The following TEAD1 variants were observed in gnomAD, a reference collection of about 807,000 sequenced individuals.
The protein encoded by TEAD1 is TEA domain transcription factor 1.
In TEAD1, 9 loss-of-function variants were observed where a neutral mutation model predicts 54.9. The observed-to-expected ratio is 0.16, with a 90% CI of 0.10 to 0.29. The LOEUF (loss-of-function observed/expected upper bound fraction) is 0.29. TEAD1 is among the 10% of genes least tolerant of loss of function. The pLI, the probability that TEAD1 is intolerant of heterozygous loss-of-function variation, is 1.00. For synonymous variants in TEAD1, 200 were observed against 187.8 expected (o/e 1.07, Z -0.53); for missense variants, 387 against 535.9 (o/e 0.72, Z 2.74).
At position 12,925,011 on chromosome 11, in the gene TEAD1, A is replaced by C; in HGVS notation, c.973A>C (p.Lys325Gln). 1 of 1,614,224 alleles carries C rather than the reference A, an allele frequency of 6.2e-7. No homozygotes were observed. The highest frequency in any genetic ancestry group is 8.5e-7 in the Non-Finnish European group (1 of 1,180,044). ...AAATATGACAGTCACCTGTTCCACC[A>C]AAGTTTGCTCCTTTGGGAAGCAAGT... is the stretch of plus-strand genomic sequence containing the variant. The change falls in exon 11 of 13, where the codon AAA becomes CAA. Residue 325 changes from lysine (K) to glutamine (Q), a missense_variant. By Grantham distance (53) the Lys-to-Gln change is moderately conservative. Around this residue, in one of 5 missense-constraint regions of TEAD1, gnomAD observed 123 missense variants for 199.0 expected, o/e 0.62. Transcript: ENST00000527636.
chr11:12,896,390 A>G (rs1335905780), intron 9 of TEAD1, among the ~76,000 whole-genome samples: 1 of 152,182 alleles, frequency 6.6e-6, no homozygotes, highest in Non-Finnish European at 1.5e-5. Flanking sequence ...AACGTATTCC[A>G]TCCTTTTGTA....
At chr11:12,808,013 A>G (rs1328560313) in intron 3 of TEAD1, among the ~76,000 whole-genome samples, 4 of 152,218 alleles carry the variant, frequency 2.6e-5, no homozygotes, top group Non-Finnish European at 5.9e-5. Flanking sequence ...TGGGTATGAA[A>G]CATAAGAGGA....
intron 10 of TEAD1, among the ~76,000 whole-genome samples, chr11:12,911,712 C>T (rs1948622137): frequency 6.7e-6 from 1 of 148,234 alleles, no homozygotes; most frequent in Non-Finnish European, 1.5e-5. Context: ...TCTTGATAGG[C>T]CCTGCTATTG....
chr11:12,755,653 G>C (rs1379417860), intron 2 of TEAD1, among the ~76,000 whole-genome samples: 1 of 152,174 alleles, frequency 6.6e-6, no homozygotes, highest in African/African-American at 2.4e-5. Flanking sequence ...TTCTGTTTCT[G>C]GGGTTGAAAT....
intron 5 of TEAD1, among the ~76,000 whole-genome samples, chr11:12,870,756 T>C (rs1484174050): frequency 1.3e-5 from 2 of 152,100 alleles, no homozygotes; most frequent in Non-Finnish European, 2.9e-5. Flanking sequence ...TATGGCAGTG[T>C]GCACCGGCAG....
At chr11:12,694,524 T>A (rs144552038) in intron 2 of TEAD1, among the ~76,000 whole-genome samples, 133 of 152,260 alleles carry the variant, frequency 8.7e-4, no homozygotes, top group African/African-American at 3.1e-3. Flanking sequence ...TGTCTCCCAA[T>A]GTTGGGTCTG....
At position 12,859,311 on chromosome 11, in the gene TEAD1, T is replaced by TCTCC. The variant is rs1374598646; in HGVS notation, c.203-2939_203-2938insCTCC. Among the ~76,000 whole-genome samples the TCTCC allele has an allele frequency of 7.1e-3, 1,079 of 152,250 alleles. 13 individuals are homozygous for TCTCC. The highest frequency in any genetic ancestry group is 0.025 in the African/African-American group (1,022 of 41,530). On this transcript the variant is annotated intron_variant, in intron 3 of 12. Coordinates refer to ENST00000527636, the MANE Select transcript of TEAD1 (RefSeq NM_021961.6). Reference sequence around the variant, plus strand: ...CCCAGAAAATAAACAAGTTTGAGGGTAGGAGACATTTTTGTCATCTGGACA... The same window carrying TCTCC: ...CCCAGAAAATAAACAAGTTTGAGGGTCTCCAGGAGACATTTTTGTCATCTGGACA...
rs917004843 is a variant in TEAD1 at position 12,879,898 on chromosome 11, G to A, written c.465+56G>A. On this transcript the variant is annotated intron_variant, in intron 6 of 12. Transcript: ENST00000527636. ...GCTGCTGGGGTTGGGGTTGGCATGT[G>A]CCAGTGTTAAGCCTCCCACCTCCAT... 2.5e-6 allele frequency: 4 copies of A among 1,609,032 alleles called. No homozygotes were observed. The African/African-American group carries it at 5.3e-5, about 22-fold the overall frequency.
chr11:12,829,166 C>T (rs766108492), intron 3 of TEAD1, among the ~76,000 whole-genome samples: 2 of 152,162 alleles, frequency 1.3e-5, no homozygotes, highest in Non-Finnish European at 2.9e-5. Flanking sequence ...GGATTTTTAT[C>T]CAGCGGATTT....
At chr11:12,728,593 T>A (rs577697017) in intron 2 of TEAD1, among the ~76,000 whole-genome samples, 27 of 152,288 alleles carry the variant, frequency 1.8e-4, no homozygotes, top group African/African-American at 6.5e-4. Context: ...CTGATACTCA[T>A]CCCTTCGGGC....
At chr11:12,764,755 C>T (rs962379035) in intron 3 of TEAD1, among the ~76,000 whole-genome samples, 2 of 151,462 alleles carry the variant, frequency 1.3e-5, no homozygotes, top group Non-Finnish European at 2.9e-5. Flanking sequence ...AGGAGGTCTT[C>T]TGAACACAGA....
intron 3 of TEAD1, among the ~76,000 whole-genome samples, chr11:12,776,133 C>T (rs1368819149): frequency 6.6e-6 from 1 of 152,108 alleles, no homozygotes; most frequent in Non-Finnish European, 1.5e-5. Context: ...GGGAGGAGAA[C>T]AGGGCATTCT....
rs190674870 is a variant in TEAD1, at chr11:12,714,987, G to T, written c.-55+39426G>T. ...GGTTCAACATACGATTTTTTTGAGGGGGAGACACAATTCAGCCCATAACAA... is the reference window on the plus strand; with the variant it reads ...GGTTCAACATACGATTTTTTTGAGGTGGAGACACAATTCAGCCCATAACAA... On this transcript the variant is annotated intron_variant, in intron 2 of 12. Coordinates refer to ENST00000527636, the MANE Select transcript of TEAD1 (RefSeq NM_021961.6). Among the ~76,000 whole-genome samples, 4 of 152,188 alleles carry T rather than the reference G, an allele frequency of 2.6e-5. No individual in the cohort carries two copies. In the East Asian group the frequency reaches 7.7e-4, roughly 29 times the overall value.
At chr11:12,802,145 C>T (rs940317686) in intron 3 of TEAD1, among the ~76,000 whole-genome samples, 2 of 152,140 alleles carry the variant, frequency 1.3e-5, no homozygotes, top group South Asian at 2.1e-4. Flanking sequence ...GTTACCCATT[C>T]AGAACAGAGC....
chr11:12,894,612 T>C (rs940548569), intron 9 of TEAD1, among the ~76,000 whole-genome samples: 1 of 152,034 alleles, frequency 6.6e-6, no homozygotes, highest in African/African-American at 2.4e-5. Context: ...CTGAGGGAAA[T>C]GCGGACGCCA....
At position 12,810,732 on chromosome 11, in the gene TEAD1, T is replaced by C. The variant is rs561217371; in HGVS notation, c.202+46298T>C. ...ACGAGCACAGTGGCTGATGTCATTGTGGGGGAGTTCCTTCTGTGGCCATAG... is the reference window on the plus strand; with the variant it reads ...ACGAGCACAGTGGCTGATGTCATTGCGGGGGAGTTCCTTCTGTGGCCATAG... On this transcript the variant is annotated intron_variant, in intron 3 of 12. Coordinates refer to ENST00000527636, the MANE Select transcript of TEAD1 (RefSeq NM_021961.6). 2.6e-5 allele frequency among the ~76,000 whole-genome samples: 4 copies of C among 152,288 alleles called. No homozygotes were observed. The South Asian group carries it at 8.3e-4, about 32-fold the overall frequency.
At chr11:12,707,452 G>C (rs927323890) in intron 2 of TEAD1, among the ~76,000 whole-genome samples, 1 of 152,184 alleles carries the variant, frequency 6.6e-6, no homozygotes, top group Non-Finnish European at 1.5e-5. Flanking sequence ...GTGCACCAGA[G>C]CTTAACTACC....
intron 2 of TEAD1, among the ~76,000 whole-genome samples, chr11:12,745,716 T>G (rs182895612): frequency 1.8e-4 from 28 of 152,052 alleles, no homozygotes; most frequent in African/African-American, 6.8e-4. Context: ...AGGTGACAAT[T>G]GAGAACCTTT....
At chr11:12,776,757 TTTATTATTA>T (rs71037087) in intron 3 of TEAD1, among the ~76,000 whole-genome samples, 6,787 of 137,648 alleles carry the variant, frequency 0.049, 250 homozygotes, top group African/African-American at 0.11. Context: ...CATTTGGATA[TTTATTATTA>T]TTATTATTAT....
Sources: gnomAD v4.1 joint callset for allele counts (sites outside exome capture counted in the v4.1 genomes callset) on GRCh38, gnomAD v4.1.1 for gene constraint, gnomAD v4.1.1 regional missense constraint, MANE v1.5 for transcripts, NCBI Gene and HGNC (gene_info 2026-07-23, HGNC 2026-07-21) for gene names.